Variants in THSD7B observed in about 807,000 individuals in gnomAD.
THSD7B encodes thrombospondin type 1 domain containing 7B.
Under a neutral mutation model 213.6 loss-of-function variants are expected in THSD7B, and 138 were observed. That is an observed-to-expected ratio of 0.65 (90% confidence interval 0.56 to 0.74). The LOEUF is 0.74. Among genes scored for constraint, THSD7B ranks in the 30% least tolerant of loss-of-function variants. The pLI is 0.00. For missense variants in THSD7B, 1,931 were observed against 1,991.5 expected (o/e 0.97, Z 0.58); for synonymous variants, 742 against 687.0 (o/e 1.08, Z -1.25).
intron 17 of THSD7B, among the ~76,000 whole-genome samples, chr2:137,603,959 A>C (rs1464732572): frequency 1.3e-5 from 2 of 152,050 alleles, no homozygotes; most frequent in Non-Finnish European, 2.9e-5. Context: ...AAAAATACAA[A>C]AATTATCCCG....
intron 16 of THSD7B, among the ~76,000 whole-genome samples, chr2:137,569,975 G>A (rs2105231997): frequency 6.6e-6 from 1 of 151,936 alleles, no homozygotes; most frequent in South Asian, 2.1e-4. Flanking sequence ...ATAGTGTGCA[G>A]GCAGGAAGGG....
chr2:137,582,852 C>T (rs1027843392), intron 17 of THSD7B, among the ~76,000 whole-genome samples: 1 of 152,102 alleles, frequency 6.6e-6, no homozygotes, highest in Non-Finnish European at 1.5e-5. Flanking sequence ...TGGGTGTATA[C>T]CCAGTAATGG....
At chr2:137,605,648 CTTTT>C (rs34604281) in intron 17 of THSD7B, among the ~76,000 whole-genome samples, 9 of 68,960 alleles carry the variant, frequency 1.3e-4, no homozygotes, top group African/African-American at 3.4e-4. Flanking sequence ...GCACTTCGCA[CTTTT>C]TTTTTTTTTT....
chr2:136,830,331 C>T (rs1682731283), intron 1 of THSD7B, among the ~76,000 whole-genome samples: 2 of 151,986 alleles, frequency 1.3e-5, no homozygotes, highest in Admixed American at 6.6e-5. Context: ...TAGCTGCATA[C>T]CATAATGAAC....
chr2:137,443,579 T>C (rs750423155), intron 14 of THSD7B, among the ~76,000 whole-genome samples: 14 of 152,118 alleles, frequency 9.2e-5, no homozygotes, highest in Non-Finnish European at 8.8e-5. Context: ...TTGTCAATCC[T>C]TTACTAAAGA....
At chr2:137,663,307 G>T (rs1235597011) in intron 25 of THSD7B, 76 bp from the exon 26 acceptor site, 15 of 1,271,864 alleles carry the variant, frequency 1.2e-5, no homozygotes, top group African/African-American at 1.5e-5. Context: ...AATATTAAGT[G>T]ATTTTAACAT....
At chr2:137,659,280 G>A (rs1333996531) in intron 24 of THSD7B, among the ~76,000 whole-genome samples, 1 of 152,146 alleles carries the variant, frequency 6.6e-6, no homozygotes, top group Non-Finnish European at 1.5e-5. Flanking sequence ...GGGTGCTCAG[G>A]AGCTGAAGCA....
intron 1 of THSD7B, among the ~76,000 whole-genome samples, chr2:136,799,465 A>C (rs935431359): frequency 4.6e-5 from 7 of 152,100 alleles, no homozygotes; most frequent in African/African-American, 1.7e-4. Context: ...TTCACCATCA[A>C]ATCCACTAAC....
chr2:137,449,101 C>T (rs924330780), intron 14 of THSD7B, among the ~76,000 whole-genome samples: 1 of 151,774 alleles, frequency 6.6e-6, no homozygotes, highest in Admixed American at 6.6e-5. Flanking sequence ...CTTTTTTCCC[C>T]CCCTCAAAGT....
At chr2:137,033,988 G>GC (rs1247344584) in intron 2 of THSD7B, among the ~76,000 whole-genome samples, 3 of 76,882 alleles carry the variant, frequency 3.9e-5, no homozygotes, top group Non-Finnish European at 5.1e-5. Context: ...TCCACCTCCC[G>GC]CCCCCCATGT....
At chr2:137,537,987 C>T (rs905573112) in intron 15 of THSD7B, among the ~76,000 whole-genome samples, 1 of 151,652 alleles carries the variant, frequency 6.6e-6, no homozygotes, top group African/African-American at 2.4e-5. Flanking sequence ...AAGAAAGATA[C>T]ATGGTTGAAG....
intron 5 of THSD7B, among the ~76,000 whole-genome samples, chr2:137,130,942 A>C (rs1573841966): frequency 6.6e-6 from 1 of 151,828 alleles, no homozygotes; most frequent in African/African-American, 2.4e-5. Context: ...TAGATCTCTG[A>C]GGAATCGCCA....
chr2:137,519,444 A>G (rs1255685826), intron 15 of THSD7B, among the ~76,000 whole-genome samples: 1 of 152,184 alleles, frequency 6.6e-6, no homozygotes, highest in Non-Finnish European at 1.5e-5. Flanking sequence ...TTCACCTGGT[A>G]GAACTGCTAA....
intron 2 of THSD7B, among the ~76,000 whole-genome samples, chr2:136,907,440 TTTAC>T (rs1202955746): frequency 6.6e-6 from 1 of 152,194 alleles, no homozygotes; most frequent in Non-Finnish European, 1.5e-5. Flanking sequence ...GTTTAAAGTT[TTTAC>T]TTATTTTATC....
At chr2:137,452,224 C>T (rs1440901469) in intron 15 of THSD7B, among the ~76,000 whole-genome samples, 2 of 151,610 alleles carry the variant, frequency 1.3e-5, no homozygotes, top group Non-Finnish European at 2.9e-5. Flanking sequence ...AAAATAATGA[C>T]CATAGTTTAT....
At position 137,081,963 on chromosome 2, in the gene THSD7B, C is replaced by T. The variant is rs555071277; in HGVS notation, c.951-12910C>T. 9.1e-4 allele frequency among the ~76,000 whole-genome samples: 139 copies of T among 152,074 alleles called. 1 individual carries two copies. Among genetic ancestry groups the T allele is most frequent in the African/African-American group, 3.2e-3 (132 of 41,508 alleles). ...ATTCCTAATTTCCCTCCTCTAATTT[C>T]TTCTCCCTCTTTACTGCATTATCTC... On this transcript the variant is annotated intron_variant, in intron 3 of 27. Transcript: ENST00000409968.
chr2:137,110,452 T>C (rs895289777), intron 4 of THSD7B, among the ~76,000 whole-genome samples: 1 of 152,210 alleles, frequency 6.6e-6, no homozygotes, highest in Non-Finnish European at 1.5e-5. Flanking sequence ...TTATTCTTCC[T>C]GTGCATCCAG....
intron 15 of THSD7B, among the ~76,000 whole-genome samples, chr2:137,550,312 C>T (rs142235397): frequency 2.3e-4 from 35 of 152,074 alleles, no homozygotes; most frequent in African/African-American, 7.0e-4. Context: ...GAATATCATG[C>T]GCTTTATAGG....
chr2:136,903,956 GTGTGTGTGTGTGTGTGTT>G (rs201219039), intron 2 of THSD7B, among the ~76,000 whole-genome samples: 20,305 of 97,584 alleles, frequency 0.21, 2,324 homozygotes, highest in East Asian at 0.65. Context: ...GTGTGTGTGT[GTGTGTGTGTGTGTGTGTT>G]TGTTTGTTTC....
Sources: allele counts gnomAD v4.1 joint callset (sites outside exome capture counted in the v4.1 genomes callset), GRCh38; gene constraint gnomAD v4.1.1; transcripts MANE v1.5; gene names NCBI Gene and HGNC (gene_info 2026-07-23, HGNC 2026-07-21).